The following UXS1 variants were observed in gnomAD, a reference collection of about 807,000 sequenced individuals.
UXS1 encodes the protein UDP-glucuronic acid decarboxylase 1.
Under a neutral mutation model 62.6 loss-of-function variants are expected in UXS1, and 33 were observed. The observed-to-expected ratio is 0.53, with a 90% confidence interval of 0.40 to 0.70. The LOEUF (loss-of-function observed/expected upper bound fraction) is 0.70, where lower values mean the gene tolerates loss of function less well. Among genes scored for constraint, UXS1 ranks in the 30% least tolerant of loss-of-function variants. The probability of loss-of-function intolerance (pLI) is 0.00; values close to 1 mark genes in which losing one functional copy is unlikely to be tolerated. For synonymous variants in UXS1, 213 were observed against 206.8 expected, an observed-to-expected ratio of 1.03 and a Z score of -0.26; for missense variants, 434 against 556.3, an observed-to-expected ratio of 0.78 and a Z score of 2.21.
At chr2:106,194,121 C>T in intron 1 of UXS1, 27 bp downstream of exon 1, 1 of 1,458,604 alleles carries the variant, frequency 6.9e-7, no homozygotes, top group South Asian at 1.3e-5. Flanking sequence ...AATGGGGCTC[C>T]CCAGCTGGCA....
At chr2:106,152,754 C>A (rs1199401008) in intron 5 of UXS1, among the ~76,000 whole-genome samples, 2 of 152,008 alleles carry the variant, frequency 1.3e-5, no homozygotes, top group Non-Finnish European at 2.9e-5. Flanking sequence ...TATGGTATCT[C>A]AACAGGAAGG....
intron 10 of UXS1, among the ~76,000 whole-genome samples, chr2:106,107,843 G>A (rs1678216451): frequency 6.6e-6 from 1 of 152,234 alleles, no homozygotes. Flanking sequence ...CACCGGGTAA[G>A]CTATGCTGCC....
At chr2:106,175,001 T>A (rs143250168) in intron 1 of UXS1, among the ~76,000 whole-genome samples, 2 of 152,038 alleles carry the variant, frequency 1.3e-5, no homozygotes, top group Non-Finnish European at 2.9e-5. Flanking sequence ...TAATCCCCCA[T>A]CCTCAATGCC....
intron 10 of UXS1, among the ~76,000 whole-genome samples, chr2:106,108,301 T>C (rs1678261799): frequency 6.6e-6 from 1 of 152,210 alleles, no homozygotes; most frequent in African/African-American, 2.4e-5. Context: ...AAGGGGTGTG[T>C]GTGCAAGAGA....
At chr2:106,176,197 C>G (rs1001501131) in intron 1 of UXS1, among the ~76,000 whole-genome samples, 10 of 152,118 alleles carry the variant, frequency 6.6e-5, no homozygotes, top group African/African-American at 2.4e-4. Flanking sequence ...AGTCCTCCCA[C>G]CTCCCATCTG....
At chr2:106,192,005 T>G (rs952422850) in intron 1 of UXS1, among the ~76,000 whole-genome samples, 3 of 152,222 alleles carry the variant, frequency 2.0e-5, no homozygotes, top group Non-Finnish European at 2.9e-5. Flanking sequence ...ATGCAGATTC[T>G]CAGGCCACAT....
intron 6 of UXS1, among the ~76,000 whole-genome samples, chr2:106,143,438 A>AAAT: frequency 8.2e-6 from 1 of 122,340 alleles, no homozygotes; most frequent in Non-Finnish European, 1.9e-5. Flanking sequence ...AAAAAAAAAA[A>AAAT]GGTATAATTT....
At chr2:106,145,039 C>G in intron 6 of UXS1, 151 bp downstream of exon 6, 2 of 825,930 alleles carry the variant, frequency 2.4e-6, no homozygotes, top group Non-Finnish European at 3.7e-6. Context: ...CAGACTAGGA[C>G]GGCACCTCAT....
intron 8 of UXS1, 73 bp from the exon 9 acceptor site, chr2:106,123,164 A>G: frequency 6.3e-7 from 1 of 1,591,192 alleles, no homozygotes; most frequent in East Asian, 2.3e-5. Context: ...CATATTTATG[A>G]TGCAAAAGGG....
intron 5 of UXS1, among the ~76,000 whole-genome samples, chr2:106,147,327 T>C (rs1443824472): frequency 1.3e-5 from 2 of 152,182 alleles, no homozygotes; most frequent in African/African-American, 4.8e-5. Flanking sequence ...ACAGAGATCA[T>C]AAACAGGACC....
rs116901232 is a variant in UXS1 at position 106,119,074 on chromosome 2, T to C, written c.759+3896A>G. ...TTTCTCCCCAAACTATCTCAAAAGA[T>C]CACACATTTAGAACTATAAACTGAC... On this transcript the variant is annotated intron_variant, in intron 9 of 14. Coordinates refer to ENST00000283148, the MANE Select transcript of UXS1 (RefSeq NM_001253875.2). Among the ~76,000 whole-genome samples, 447 of 152,322 alleles carry C rather than the reference T, an allele frequency of 2.9e-3. 17 individuals carry two copies. The East Asian group carries it at 0.076, about 26-fold the overall frequency.
intron 1 of UXS1, among the ~76,000 whole-genome samples, chr2:106,189,815 A>G (rs183583536): frequency 1.7e-3 from 254 of 152,356 alleles, no homozygotes; most frequent in African/African-American, 5.9e-3. Flanking sequence ...TACACTATCA[A>G]TCTATCAGAC....
At chr2:106,126,907 G>A (rs556789140) in intron 7 of UXS1, among the ~76,000 whole-genome samples, 7 of 151,890 alleles carry the variant, frequency 4.6e-5, no homozygotes, top group Non-Finnish European at 1.0e-4. Flanking sequence ...GCCTCTCCTC[G>A]CTCCCTCCCA....
At chr2:106,096,227 T>C (rs1677079223) in intron 14 of UXS1, among the ~76,000 whole-genome samples, 1 of 152,062 alleles carries the variant, frequency 6.6e-6, no homozygotes, top group Admixed American at 6.6e-5. Context: ...AGAGGGAGTG[T>C]ATGTGTGAAT....
chr2:106,094,970 C>T (rs1676957547), intron 14 of UXS1, among the ~76,000 whole-genome samples: 1 of 152,202 alleles, frequency 6.6e-6, no homozygotes, highest in Non-Finnish European at 1.5e-5. Flanking sequence ...CTGTTAAACA[C>T]ACACACTTGG....
chr2:106,139,818 G>A (rs1057004171), intron 6 of UXS1, among the ~76,000 whole-genome samples: 2 of 152,152 alleles, frequency 1.3e-5, no homozygotes, highest in East Asian at 1.9e-4. Flanking sequence ...ACACTAAAAC[G>A]CAAAACAGTG....
intron 8 of UXS1, among the ~76,000 whole-genome samples, chr2:106,124,719 G>A (rs568964664): frequency 6.6e-6 from 1 of 152,154 alleles, no homozygotes; most frequent in South Asian, 2.1e-4. Context: ...AGGTAGGGAG[G>A]GACACACTCT....
At chr2:106,147,749 C>A (rs1440305815) in intron 5 of UXS1, among the ~76,000 whole-genome samples, 2 of 152,110 alleles carry the variant, frequency 1.3e-5, no homozygotes, top group Non-Finnish European at 2.9e-5. Flanking sequence ...TAAACTAATC[C>A]GCCTGCCTCG....
At chr2:106,177,088 T>G in intron 1 of UXS1, among the ~76,000 whole-genome samples, 1 of 152,188 alleles carries the variant, frequency 6.6e-6, no homozygotes, top group East Asian at 1.9e-4. Context: ...TTTACAACTT[T>G]TTGCACATAA....
Sources: allele counts gnomAD v4.1 joint callset (sites outside exome capture counted in the v4.1 genomes callset), GRCh38; gene constraint gnomAD v4.1.1; transcripts MANE v1.5; gene names NCBI Gene and HGNC (gene_info 2026-07-23, HGNC 2026-07-21).